Variants in DENND5A observed in about 807,000 individuals in gnomAD.
DENND5A encodes the protein DENN domain containing 5A.
A neutral mutation model predicts 140.3 loss-of-function variants in DENND5A; 64 were observed. The observed-to-expected ratio is 0.46, with a 90% CI of 0.37 to 0.56. The LOEUF is 0.56. DENND5A is among the 20% of genes least tolerant of loss of function. The probability of loss-of-function intolerance (pLI) is 0.00; values close to 1 mark genes in which losing one functional copy is unlikely to be tolerated. For synonymous variants in DENND5A, 605 were observed against 607.7 expected, an observed-to-expected ratio of 1.00 and a Z score of 0.07; for missense variants, 1,292 against 1,593.8, an observed-to-expected ratio of 0.81 and a Z score of 3.22.
chr11:9,219,711 T>C (rs1463680074), intron 1 of DENND5A, among the ~76,000 whole-genome samples: 4 of 152,204 alleles, frequency 2.6e-5, no homozygotes, highest in African/African-American at 9.6e-5. Context: ...ATAATCCAGA[T>C]TGATGGGGCT....
In DENND5A at chr11:9,169,834, TATC is replaced by T. The variant is rs756868299; in HGVS notation, c.2151+19_2151+21del. 4.3e-6 allele frequency: 6 copies of T among 1,399,984 alleles called. No homozygotes were observed. The highest frequency in any genetic ancestry group is 6.1e-6 in the Non-Finnish European group (6 of 985,140). 86.7% of individuals were successfully genotyped at this position (1,399,984 alleles called of 1,614,324 possible). On this transcript the variant is annotated intron_variant, in intron 10 of 22. Transcript: ENST00000328194. ...CACAGCATGATAGCAAGGTCATCCT[TATC>T]ATTCTTAAGGTATCTTACCTCCCTC...
intron 4 of DENND5A, among the ~76,000 whole-genome samples, chr11:9,197,044 C>T (rs937629178): frequency 9.9e-5 from 15 of 151,598 alleles, no homozygotes; most frequent in African/African-American, 3.4e-4. Context: ...GTGGCTCATG[C>T]CTGTAATCCT....
At chr11:9,166,786 C>A (rs905680307) in intron 10 of DENND5A, among the ~76,000 whole-genome samples, 8 of 151,872 alleles carry the variant, frequency 5.3e-5, no homozygotes, top group African/African-American at 1.7e-4. Context: ...GAGCTGAGAT[C>A]GCGCCACTGC....
At chr11:9,246,337 G>A (rs893413539) in intron 1 of DENND5A, among the ~76,000 whole-genome samples, 3 of 152,194 alleles carry the variant, frequency 2.0e-5, no homozygotes, top group Non-Finnish European at 4.4e-5. Context: ...GTAGGGCCAG[G>A]TGGGGTGGCT....
At chr11:9,234,605 C>A (rs555036209) in intron 1 of DENND5A, among the ~76,000 whole-genome samples, 2 of 152,312 alleles carry the variant, frequency 1.3e-5, no homozygotes, top group African/African-American at 4.8e-5. Context: ...ATGGCCCTGA[C>A]GCCCACGCTA....
intron 1 of DENND5A, among the ~76,000 whole-genome samples, chr11:9,209,404 C>T (rs900782112): frequency 2.0e-5 from 3 of 152,160 alleles, no homozygotes; most frequent in African/African-American, 7.2e-5. Flanking sequence ...ACCAGCTGAT[C>T]TGAAGTGTGG....
rs184329564 is a variant in DENND5A at position 9,167,881 on chromosome 11, C to T, written c.2152-1914G>A. Among the ~76,000 whole-genome samples, 173 of 152,292 alleles carry T rather than the reference C, an allele frequency of 1.1e-3. 1 individual carries two copies. Among genetic ancestry groups the T allele is most frequent in the African/African-American group, 4.0e-3 (166 of 41,558 alleles). On this transcript the variant is annotated intron_variant, in intron 10 of 22. Transcript: ENST00000328194. ...GATGCTTGCTCCTCTTCCAAATCAT[C>T]TTGTTTGATGATGACCCCAAGTAGA...
intron 16 of DENND5A, 28 bp from the exon 17 acceptor site, chr11:9,145,843 G>T: frequency 6.2e-7 from 1 of 1,613,286 alleles, no homozygotes; most frequent in Non-Finnish European, 8.5e-7. Flanking sequence ...CAAAAGTATT[G>T]AGGAGAATTA....
chr11:9,145,430 C>T (rs1847394985), intron 17 of DENND5A: 1 of 594,898 alleles, frequency 1.7e-6, no homozygotes, highest in Admixed American at 3.0e-5. Flanking sequence ...ACACACTATG[C>T]ATGGAGAGAT....
intron 1 of DENND5A, among the ~76,000 whole-genome samples, chr11:9,255,322 G>A (rs1369816637): frequency 6.6e-6 from 1 of 152,172 alleles, no homozygotes; most frequent in Non-Finnish European, 1.5e-5. Flanking sequence ...CGGGCGCGGT[G>A]GCTCACGCCT....
At chr11:9,236,476 G>A (rs1257088016) in intron 1 of DENND5A, among the ~76,000 whole-genome samples, 1 of 151,770 alleles carries the variant, frequency 6.6e-6, no homozygotes, top group Non-Finnish European at 1.5e-5. Flanking sequence ...AGGTTGTGGT[G>A]AGCCAAAATT....
chr11:9,187,666 T>C (rs1228872614), intron 5 of DENND5A, among the ~76,000 whole-genome samples: 2 of 152,104 alleles, frequency 1.3e-5, no homozygotes, highest in Admixed American at 6.6e-5. Flanking sequence ...AAAAAAATGG[T>C]ACCCCTTTCT....
chr11:9,246,611 CAA>C (rs369946476), intron 1 of DENND5A, among the ~76,000 whole-genome samples: 5 of 63,126 alleles, frequency 7.9e-5, no homozygotes, highest in Admixed American at 1.9e-4. Flanking sequence ...AACTAAGTCT[CAA>C]AAAAAAAAAA....
chr11:9,214,497 TTTGGAAGCTATCACTC>T (rs1489955699), intron 1 of DENND5A, among the ~76,000 whole-genome samples: 7 of 152,328 alleles, frequency 4.6e-5, no homozygotes, highest in Middle Eastern at 3.4e-3. Flanking sequence ...ACTGCAGAGC[TTTGGAAGCTATCACTC>T]TTCCTTATCT....
intron 1 of DENND5A, among the ~76,000 whole-genome samples, chr11:9,260,873 G>A (rs1220146210): frequency 1.3e-5 from 2 of 152,096 alleles, no homozygotes; most frequent in African/African-American, 4.8e-5. Context: ...ATTTGAGACA[G>A]GGTCTCACTC....
At chr11:9,149,487 A>G (rs958690217) in intron 15 of DENND5A, among the ~76,000 whole-genome samples, 2 of 152,222 alleles carry the variant, frequency 1.3e-5, no homozygotes, top group Non-Finnish European at 2.9e-5. Flanking sequence ...ATGAACAAAT[A>G]TTCTAACAAA....
intron 1 of DENND5A, among the ~76,000 whole-genome samples, chr11:9,217,286 G>A (rs1291141336): frequency 2.0e-5 from 3 of 152,008 alleles, no homozygotes; most frequent in East Asian, 1.9e-4. Context: ...AGGCTGAGGC[G>A]GGTGATCACC....
At chr11:9,182,132 A>T (rs996488352) in intron 5 of DENND5A, among the ~76,000 whole-genome samples, 2 of 152,138 alleles carry the variant, frequency 1.3e-5, no homozygotes, top group Non-Finnish European at 2.9e-5. Flanking sequence ...ACTGGCCAAC[A>T]TGGTGAAACC....
At chr11:9,187,432 A>T (rs191383348) in intron 5 of DENND5A, among the ~76,000 whole-genome samples, 1 of 152,266 alleles carries the variant, frequency 6.6e-6, no homozygotes, top group East Asian at 1.9e-4. Context: ...GATCACATGG[A>T]TCCCCCAAAT....
Sources: gnomAD v4.1 joint callset for allele counts (sites outside exome capture counted in the v4.1 genomes callset) on GRCh38, gnomAD v4.1.1 for gene constraint, MANE v1.5 for transcripts, NCBI Gene and HGNC (gene_info 2026-07-23, HGNC 2026-07-21) for gene names.